TAC3: variants seen among roughly 807,000 people sequenced by gnomAD.
TAC3 encodes tachykinin precursor 3.
In TAC3, 9 loss-of-function variants were observed where a neutral mutation model predicts 16.5. That is an observed-to-expected ratio of 0.55 (90% CI 0.33 to 0.95). TAC3 has a LOEUF of 0.95. Ranked by LOEUF, TAC3 falls within the 40% of genes least tolerant of loss-of-function variation. The probability of loss-of-function intolerance (pLI) is 0.03; values close to 1 mark genes in which losing one functional copy is unlikely to be tolerated. For missense variants in TAC3, 129 were observed against 149.1 expected, an observed-to-expected ratio of 0.87 and a Z score of 0.70; for synonymous variants, 52 against 56.7, an observed-to-expected ratio of 0.92 and a Z score of 0.37.
intron 4 of TAC3, 63 bp from the exon 5 acceptor site, chr12:57,012,938 T>C: frequency 6.3e-7 from 1 of 1,599,974 alleles, no homozygotes; most frequent in Non-Finnish European, 8.6e-7. Context: ...TCCCCAGACA[T>C]GGGTCAACAC....
intron 5 of TAC3, 88 bp downstream of exon 5, chr12:57,012,734 C>T: frequency 6.2e-7 from 1 of 1,613,708 alleles, no homozygotes; most frequent in South Asian, 1.1e-5. Context: ...TCCTGTCTTT[C>T]CCTCTGGTGA....
At chr12:57,012,989 C>T (rs1956323372) in intron 4 of TAC3, 114 bp from the exon 5 acceptor site, 1 of 1,314,144 alleles carries the variant, frequency 7.6e-7, no homozygotes, top group Non-Finnish European at 1.1e-6. Flanking sequence ...TTTTTCTTGT[C>T]AAAGCATGAC....
At chr12:57,013,737 C>T (rs533736069) in intron 2 of TAC3, 66 bp from the exon 3 acceptor site, 1 of 1,299,448 alleles carries the variant, frequency 7.7e-7, no homozygotes. Flanking sequence ...CCTTTTCCCA[C>T]AAGAAACAGC....
At chr12:57,011,481 A>G (rs1956297503) in intron 6 of TAC3, among the ~76,000 whole-genome samples, 1 of 152,080 alleles carries the variant, frequency 6.6e-6, no homozygotes, top group Admixed American at 6.5e-5. Flanking sequence ...TTTTGACTAG[A>G]CACTTCCCTG....
At chr12:57,012,526 G>T in intron 5 of TAC3, 74 bp from the exon 6 acceptor site, 1 of 1,604,230 alleles carries the variant, frequency 6.2e-7, no homozygotes. Context: ...AACAGCAAAG[G>T]GCTGGCTATG....
chr12:57,013,312 G>A (rs1456881859), intron 4 of TAC3, 47 bp downstream of exon 4: 2 of 1,609,776 alleles, frequency 1.2e-6, no homozygotes, highest in Admixed American at 3.3e-5. Context: ...GCCCCACAGA[G>A]CTCTGGGCAA....
chr12:57,012,681 T>A, intron 5 of TAC3, 141 bp downstream of exon 5: 1 of 1,612,996 alleles, frequency 6.2e-7, no homozygotes. Flanking sequence ...CCAAGCTGAT[T>A]GGGATGAAGG....
Position 57,013,663 on chromosome 12 carries a change from T to G in TAC3, c.123A>C (p.Pro41=). ...GTCTCTGGAGCAGCTGGTAGAGATC[T>G]GGATCCCTCTAGGGAAGAAACAAAG... ...VPGGGRSKRD[P]DLYQLLQRLF... Residue 41 remains proline (P), a synonymous_variant, in exon 3 of 7, where the codon CCA becomes CCC. Coordinates refer to ENST00000458521, the MANE Select transcript of TAC3 (RefSeq NM_013251.4). 6.2e-7 allele frequency: 1 copy of G among 1,612,390 alleles called. No individual in the cohort carries two copies. The highest frequency in any genetic ancestry group is 8.5e-7 in the Non-Finnish European group (1 of 1,179,438).
At position 57,013,594 on chromosome 12, in the gene TAC3, C is replaced by T; in HGVS notation, c.192G>A (p.Leu64=). 1.2e-6 allele frequency: 2 copies of T among 1,613,554 alleles called. No homozygotes were observed. The highest frequency in any genetic ancestry group is 1.7e-6 in the Non-Finnish European group (2 of 1,179,930). ...HSSLEGLLKA[L]SQASTDPKES... is the part of the protein sequence containing the mutation. ...GCCTCCTACCTGTGCTAGCCTGGCT[C>T]AGGGCTTTGAGCAATCCCTCCAGAG... The change falls in exon 3 of 7, where the codon CTG becomes CTA. Residue 64 remains leucine, a synonymous_variant. Transcript: ENST00000458521.
intron 2 of TAC3, among the ~76,000 whole-genome samples, chr12:57,014,719 C>T (rs550063280): frequency 1.3e-4 from 20 of 150,278 alleles, no homozygotes; most frequent in African/African-American, 3.2e-4. Context: ...TTTTTTTTAA[C>T]GGTTCTGGCC....
chr12:57,012,660 T>C lies in TAC3; in HGVS notation c.292+162A>G, dbSNP rs733629. 138,304 of 1,612,812 alleles carry C rather than the reference T, an allele frequency of 0.086. 6,257 individuals carry two copies. The highest frequency in any genetic ancestry group is 0.14 in the East Asian group (6,480 of 44,854). On this transcript the variant is annotated intron_variant, in intron 5 of 6. Coordinates refer to ENST00000458521, the MANE Select transcript of TAC3 (RefSeq NM_013251.4). The stretch of plus-strand genomic sequence containing the variant: ...TGCTCCTCTGTTCCCAGGGAAGACT[T>C]TCCTGTGGATCCAAGCTGATTGGGA...
In TAC3 at chr12:57,012,841, GC is replaced by G; in HGVS notation, c.272del (p.Gly91AlafsTer13). 6.2e-7 allele frequency: 1 copy of G among 1,614,128 alleles called. No homozygotes were observed. The highest frequency in any genetic ancestry group is 8.5e-7 in the Non-Finnish European group (1 of 1,180,010). ...TCCTACCTGGCTGGACGCTCCTCTT[GC>G]CCATAAGTCCCACAAAGAAGTCATG... Reference protein sequence around the residue: ...DMHDFFVGLMGKRSVQPDSPT... With the variant: ...DMHDFFVGLMXKRSVQPDSPT... On this transcript the variant is annotated frameshift_variant, in exon 5 of 7. Transcript: ENST00000458521. LOFTEE classifies it high-confidence loss of function.
intron 2 of TAC3, among the ~76,000 whole-genome samples, chr12:57,014,537 G>C (rs536680737): frequency 1.3e-4 from 20 of 152,146 alleles, no homozygotes; most frequent in Non-Finnish European, 2.5e-4. Context: ...AGAAGGGGTA[G>C]GATGGCAATC....
chr12:57,013,397 C>T lies in TAC3; in HGVS notation c.209-9G>A. On this transcript the variant is annotated splice_polypyrimidine_tract_variant and intron_variant, in intron 3 of 6. Coordinates refer to ENST00000458521, the MANE Select transcript of TAC3 (RefSeq NM_013251.4). ...TGTTGATTCCTTAGGATCTGTGAAACCAAGAACAGATGTCTAAATGGGGAG... is the reference window on the plus strand; with the variant it reads ...TGTTGATTCCTTAGGATCTGTGAAATCAAGAACAGATGTCTAAATGGGGAG... The T allele has an allele frequency of 6.2e-7, 1 of 1,614,060 alleles. No homozygotes were observed. The highest frequency in any genetic ancestry group is 8.5e-7 in the Non-Finnish European group (1 of 1,179,952).
chr12:57,012,451 G>A lies in TAC3; in HGVS notation c.294C>T (p.Asp98=). The A allele has an allele frequency of 6.2e-7, 1 of 1,614,144 alleles. No homozygotes were observed. Among genetic ancestry groups the A allele is most frequent in the South Asian group, 1.1e-5 (1 of 91,080 alleles). Residue 98 remains aspartate (D), a splice_region_variant and synonymous_variant, in exon 6 of 7, where the codon GAC becomes GAT. Transcript: ENST00000458521. ...TCTCTTGATTCACATCCGTAGGAGA[G>A]TCTAGGGTAAAGCGAACAGTGTAAG... ...GLMGKRSVQP[D]SPTDVNQENV...
chr12:57,015,299 C>T (rs1383160759), intron 2 of TAC3, among the ~76,000 whole-genome samples: 1 of 152,124 alleles, frequency 6.6e-6, no homozygotes. Flanking sequence ...GAAATTCTGA[C>T]TGTTTCATAC....
rs763197085 is a variant in TAC3 at position 57,013,633 on chromosome 12, G to C, written c.153C>G (p.Phe51Leu). 1.2e-5 allele frequency: 19 copies of C among 1,613,602 alleles called. No individual in the cohort carries two copies. The highest frequency in any genetic ancestry group is 1.7e-5 in the Admixed American group (1 of 59,976). ...PDLYQLLQRL[F>L]KSHSSLEGLL... ...ATCCCTCCAGAGATGAGTGGCTTTT[G>C]AAGAGTCTCTGGAGCAGCTGGTAGA... is the stretch of plus-strand genomic sequence containing the variant. The change falls in exon 3 of 7, where the codon TTC becomes TTG. Residue 51 changes from phenylalanine (F) to leucine (L), a missense_variant. Phe to Leu is a conservative substitution (Grantham distance 22). Transcript: ENST00000458521.
rs769738083 is a variant in TAC3, at chr12:57,015,783, C to T, written c.15G>A (p.Leu5=). The change falls in exon 2 of 7, where the codon CTG becomes CTA. Residue 5 remains leucine, a synonymous_variant. Transcript: ENST00000458521. MRIM[L]LFTAILAFSL... ...TGAAGGCCAGGATGGCTGTGAATAGCAGCATGATCCTCATGGTGCCTGGGA... is the reference window on the plus strand; with the variant it reads ...TGAAGGCCAGGATGGCTGTGAATAGTAGCATGATCCTCATGGTGCCTGGGA... The T allele has an allele frequency of 1.2e-6, 2 of 1,613,964 alleles. No homozygotes were observed. Among genetic ancestry groups the T allele is most frequent in the Admixed American group, 1.7e-5 (1 of 60,012 alleles).
chr12:57,010,199 A>C lies in TAC3; in HGVS notation c.*91T>G, dbSNP rs1333781591. The C allele has an allele frequency of 4.4e-6, 2 of 454,006 alleles. No homozygotes were observed. The highest frequency in any genetic ancestry group is 8.8e-6 in the Non-Finnish European group (2 of 226,802). 28.1% of individuals were successfully genotyped at this position (454,006 alleles called of 1,614,324 possible). On this transcript the variant is annotated 3_prime_UTR_variant, in exon 7 of 7. Transcript: ENST00000458521. ...CACAAGAATGTTACAAGAACAGGGA[A>C]GAGAAAGGGTAACAGGAGCGTGCGC...
Sources: gnomAD v4.1 joint callset for allele counts (sites outside exome capture counted in the v4.1 genomes callset) on GRCh38, gnomAD v4.1.1 for gene constraint, MANE v1.5 for transcripts, NCBI Gene and HGNC (gene_info 2026-07-23, HGNC 2026-07-21) for gene names.